The following CSMD1 variants were observed in gnomAD, a reference collection of about 807,000 sequenced individuals.
The protein encoded by CSMD1 is CUB and Sushi multiple domains 1, also known as CUB and sushi domain-containing protein 1.
Under a neutral mutation model 417.5 loss-of-function variants are expected in CSMD1, and 213 were observed. That is an observed-to-expected ratio of 0.51 (90% CI 0.46 to 0.57). CSMD1 has a LOEUF of 0.57. Among genes scored for constraint, CSMD1 ranks in the 20% least tolerant of loss-of-function variants. The probability of loss-of-function intolerance (pLI) is 0.00; values close to 1 mark genes in which losing one functional copy is unlikely to be tolerated. For synonymous variants in CSMD1, 2,862 were observed against 1,736.8 expected, an observed-to-expected ratio of 1.65 and a Z score of -16.11; for missense variants, 6,923 against 4,529.7, an observed-to-expected ratio of 1.53 and a Z score of -15.17.
chr8:4,087,783 A>G (rs1479288992), intron 3 of CSMD1, among the ~76,000 whole-genome samples: 3 of 151,738 alleles, frequency 2.0e-5, no homozygotes, highest in Non-Finnish European at 4.4e-5. Context: ...TCTCTTTTAT[A>G]TTGTCTCACA....
At chr8:3,191,669 G>A (rs1370023825) in intron 33 of CSMD1, among the ~76,000 whole-genome samples, 1 of 152,136 alleles carries the variant, frequency 6.6e-6, no homozygotes, top group Non-Finnish European at 1.5e-5. Flanking sequence ...AGGTTGTATG[G>A]CAGAAATTAC....
intron 3 of CSMD1, among the ~76,000 whole-genome samples, chr8:4,209,470 G>C (rs192012159): frequency 6.6e-6 from 1 of 152,174 alleles, no homozygotes; most frequent in Non-Finnish European, 1.5e-5. Flanking sequence ...ACATCTGCTA[G>C]TTCCCGAACA....
intron 4 of CSMD1, among the ~76,000 whole-genome samples, chr8:4,002,256 T>C (rs371165011): frequency 1.2e-4 from 18 of 152,078 alleles, no homozygotes; most frequent in African/African-American, 4.3e-4. Context: ...TGTGTGTATG[T>C]GTGTGTTTGT....
intron 5 of CSMD1, among the ~76,000 whole-genome samples, chr8:3,765,949 CCAGCAAAT>C (rs1261127886): frequency 6.6e-6 from 1 of 152,164 alleles, no homozygotes; most frequent in African/African-American, 2.4e-5. Flanking sequence ...GGCCTGGATG[CCAGCAAAT>C]CAGGCATCAG....
intron 16 of CSMD1, among the ~76,000 whole-genome samples, chr8:3,397,969 G>C (rs1031682316): frequency 2.0e-5 from 3 of 152,146 alleles, no homozygotes; most frequent in African/African-American, 4.8e-5. Flanking sequence ...TGTGTACTAT[G>C]TCTAGAGTAC....
chr8:3,195,379 A>G (rs1019311254), intron 33 of CSMD1, among the ~76,000 whole-genome samples: 3 of 152,136 alleles, frequency 2.0e-5, no homozygotes, highest in Non-Finnish European at 4.4e-5. Flanking sequence ...GATTGATTCT[A>G]ATGTTGAAAG....
At chr8:4,295,385 C>CATATAATCTTAAGATT (rs1157151882) in intron 3 of CSMD1, among the ~76,000 whole-genome samples, 3 of 143,276 alleles carry the variant, frequency 2.1e-5, no homozygotes, top group Non-Finnish European at 4.5e-5. Flanking sequence ...TTATTATACA[C>CATATAATCTTAAGATT]ATATAATCTT....
At chr8:4,517,232 C>T (rs1025619430) in intron 2 of CSMD1, among the ~76,000 whole-genome samples, 1 of 152,118 alleles carries the variant, frequency 6.6e-6, no homozygotes. Context: ...AAGGCCTATA[C>T]ATAAACAATG....
intron 3 of CSMD1, among the ~76,000 whole-genome samples, chr8:4,261,247 T>A (rs537854463): frequency 2.6e-5 from 4 of 152,180 alleles, no homozygotes; most frequent in Non-Finnish European, 5.9e-5. Context: ...TGTAGTAGAC[T>A]CAAAAAGAAC....
intron 3 of CSMD1, among the ~76,000 whole-genome samples, chr8:4,126,424 T>A (rs1802769239): frequency 6.6e-6 from 1 of 152,134 alleles, no homozygotes; most frequent in Admixed American, 6.5e-5. Flanking sequence ...GACAGCACCC[T>A]AGCGAAGACA....
chr8:3,816,517 T>C (rs1801379451), intron 5 of CSMD1, among the ~76,000 whole-genome samples: 1 of 152,212 alleles, frequency 6.6e-6, no homozygotes, highest in Admixed American at 6.5e-5. Flanking sequence ...CATAGATGTT[T>C]ATGTATAGTT....
intron 41 of CSMD1, among the ~76,000 whole-genome samples, chr8:3,127,148 T>A (rs1015198915): frequency 6.6e-6 from 1 of 152,160 alleles, no homozygotes; most frequent in African/African-American, 2.4e-5. Context: ...ATCTTAGCCT[T>A]TTCTGTCTCG....
chr8:3,503,777 G>C (rs1199958120), intron 10 of CSMD1, among the ~76,000 whole-genome samples: 2 of 152,016 alleles, frequency 1.3e-5, no homozygotes, highest in Non-Finnish European at 2.9e-5. Flanking sequence ...GTTTCAAAAT[G>C]GCCTAAAAAG....
chr8:4,213,673 C>G (rs900254550), intron 3 of CSMD1, among the ~76,000 whole-genome samples: 1 of 152,210 alleles, frequency 6.6e-6, no homozygotes, highest in African/African-American at 2.4e-5. Context: ...GAGATGAAAG[C>G]AGCCATGGGC....
At chr8:4,067,681 G>C (rs1045950882) in intron 3 of CSMD1, among the ~76,000 whole-genome samples, 9 of 152,120 alleles carry the variant, frequency 5.9e-5, no homozygotes, top group Non-Finnish European at 1.3e-4. Flanking sequence ...CACCTAACTT[G>C]TCCTGTGGAA....
intron 2 of CSMD1, among the ~76,000 whole-genome samples, chr8:4,594,370 T>C (rs1800150226): frequency 6.6e-6 from 1 of 151,852 alleles, no homozygotes; most frequent in Non-Finnish European, 1.5e-5. Flanking sequence ...TGGCTAATTT[T>C]TGTATTATTA....
intron 19 of CSMD1, among the ~76,000 whole-genome samples, chr8:3,368,409 T>C (rs1216497041): frequency 6.6e-6 from 1 of 152,160 alleles, no homozygotes; most frequent in Admixed American, 6.5e-5. Context: ...CAATCTCAGC[T>C]CACTGCAACT....
chr8:3,364,658 TTCTTC>T (rs1168625719), intron 20 of CSMD1, among the ~76,000 whole-genome samples: 1 of 152,192 alleles, frequency 6.6e-6, no homozygotes, highest in Non-Finnish European at 1.5e-5. Flanking sequence ...TTAAAAGGGC[TTCTTC>T]TCTTTTACCC....
intron 46 of CSMD1, among the ~76,000 whole-genome samples, chr8:3,103,114 T>A (rs548803859): frequency 6.6e-6 from 1 of 152,340 alleles, no homozygotes; most frequent in South Asian, 2.1e-4. Context: ...CTGTAGATTT[T>A]AAAAAGTTAA....
Sources: allele counts gnomAD v4.1 joint callset (sites outside exome capture counted in the v4.1 genomes callset), GRCh38; gene constraint gnomAD v4.1.1; transcripts MANE v1.5; gene names NCBI Gene and HGNC (gene_info 2026-07-23, HGNC 2026-07-21).